SNCAIP: variants seen among roughly 807,000 people sequenced by gnomAD.
SNCAIP encodes the protein synphilin-1.
Under a neutral mutation model 86.7 loss-of-function variants are expected in SNCAIP, and 43 were observed. That is an observed-to-expected ratio of 0.50 (90% confidence interval 0.39 to 0.64). The LOEUF (loss-of-function observed/expected upper bound fraction) is 0.64, where lower values mean the gene tolerates loss of function less well. Among genes scored for constraint, SNCAIP ranks in the 30% least tolerant of loss-of-function variants. The pLI, the probability that SNCAIP is intolerant of heterozygous loss-of-function variation, is 0.00. For synonymous variants in SNCAIP, 417 were observed against 427.2 expected (o/e 0.98, Z 0.29); for missense variants, 981 against 1,103.1 (o/e 0.89, Z 1.57).
intron 7 of SNCAIP, among the ~76,000 whole-genome samples, chr5:122,442,281 A>G (rs1325614863): frequency 6.6e-6 from 1 of 152,130 alleles, no homozygotes; most frequent in African/African-American, 2.4e-5. Context: ...AGGAAGGTAG[A>G]GGAGACTTGG....
intron 5 of SNCAIP, among the ~76,000 whole-genome samples, chr5:122,427,199 T>TACAAA (rs1777543628): frequency 6.6e-6 from 1 of 152,186 alleles, no homozygotes; most frequent in African/African-American, 2.4e-5. Context: ...TAGGGCTTGT[T>TACAAA]TTGATAGATT....
chr5:122,330,838 A>G (rs1410172283), intron 1 of SNCAIP, among the ~76,000 whole-genome samples: 2 of 152,008 alleles, frequency 1.3e-5, no homozygotes, highest in East Asian at 1.9e-4. Flanking sequence ...ATATGATGAA[A>G]TAATTGTACA....
chr5:122,327,075 T>C (rs1237632445), intron 1 of SNCAIP, among the ~76,000 whole-genome samples: 3 of 151,988 alleles, frequency 2.0e-5, no homozygotes, highest in African/African-American at 7.2e-5. Flanking sequence ...TCCAGACCTC[T>C]ACTTCTGTTT....
chr5:122,389,868 G>A (rs939102701), intron 1 of SNCAIP: 2 of 152,018 alleles, frequency 1.3e-5, no homozygotes, highest in Admixed American at 1.3e-4. Context: ...TGATGGGTTT[G>A]AGGTAAGGAA....
At chr5:122,376,879 T>C (rs1218046411) in intron 1 of SNCAIP, among the ~76,000 whole-genome samples, 1 of 152,160 alleles carries the variant, frequency 6.6e-6, no homozygotes, top group Non-Finnish European at 1.5e-5. Flanking sequence ...GTCAATGCCA[T>C]CTCAGACTAC....
At chr5:122,351,239 A>T (rs1313852423) in intron 1 of SNCAIP, among the ~76,000 whole-genome samples, 1 of 152,050 alleles carries the variant, frequency 6.6e-6, no homozygotes, top group East Asian at 1.9e-4. Context: ...GCAGAAGAAA[A>T]TTTAAAATGT....
At chr5:122,384,708 T>C (rs1328777575) in intron 1 of SNCAIP, among the ~76,000 whole-genome samples, 1 of 152,228 alleles carries the variant, frequency 6.6e-6, no homozygotes, top group African/African-American at 2.4e-5. Flanking sequence ...CAGGCTCTCC[T>C]CTAGGAGCTG....
rs1212303157 is a variant in SNCAIP at position 122,330,117 on chromosome 5, C to CTTTTTTTTTTTTTTTTTTT, written c.-47+17837_-47+17855dup. On this transcript the variant is annotated intron_variant, in intron 1 of 10. Coordinates refer to ENST00000261368, the MANE Select transcript of SNCAIP (RefSeq NM_005460.4). ...CTTACCTCCGTGTACAACTTCATTT[C>CTTTTTTTTTTTTTTTTTTT]TTTTTTTTTTTTTTTTTTTTTTGAG... Among the ~76,000 whole-genome samples the CTTTTTTTTTTTTTTTTTTT allele has an allele frequency of 3.7e-3, 363 of 96,824 alleles. 44 individuals are homozygous for CTTTTTTTTTTTTTTTTTTT. Among genetic ancestry groups the CTTTTTTTTTTTTTTTTTTT allele is most frequent in the South Asian group, 7.4e-3 (19 of 2,578 alleles). 63.5% of individuals were successfully genotyped at this position (96,824 alleles called of 152,430 possible).
chr5:122,454,135 C>T (rs1225342667), intron 10 of SNCAIP, among the ~76,000 whole-genome samples: 1 of 152,156 alleles, frequency 6.6e-6, no homozygotes, highest in Non-Finnish European at 1.5e-5. Flanking sequence ...TTCCAAAATC[C>T]TCCAAAGCAT....
intron 1 of SNCAIP, among the ~76,000 whole-genome samples, chr5:122,347,537 T>C (rs757304230): frequency 2.6e-5 from 4 of 152,072 alleles, no homozygotes; most frequent in African/African-American, 7.2e-5. Flanking sequence ...AGCATAGCCA[T>C]GTAACAATGG....
chr5:122,416,971 A>T (rs188284613), intron 3 of SNCAIP, among the ~76,000 whole-genome samples: 28 of 152,212 alleles, frequency 1.8e-4, no homozygotes, highest in African/African-American at 6.8e-4. Flanking sequence ...GGAAAATAAA[A>T]TCCATTTAAC....
intron 1 of SNCAIP, among the ~76,000 whole-genome samples, chr5:122,358,307 T>C (rs1223983821): frequency 2.7e-5 from 4 of 150,172 alleles, no homozygotes; most frequent in East Asian, 2.0e-4. Context: ...CTGCACCCAT[T>C]AACTCGTCAT....
intron 10 of SNCAIP, 47 bp from the exon 11 acceptor site, chr5:122,463,444 G>A: frequency 9.1e-7 from 1 of 1,101,692 alleles, no homozygotes; most frequent in Admixed American, 1.7e-5. Context: ...CTTGTAACTT[G>A]ACCATAGTTT....
At chr5:122,335,065 G>A (rs1756158232) in intron 1 of SNCAIP, among the ~76,000 whole-genome samples, 1 of 152,122 alleles carries the variant, frequency 6.6e-6, no homozygotes. Flanking sequence ...TGGGAGGAAG[G>A]CTTATAGGCA....
chr5:122,366,815 A>C (rs937185483), intron 1 of SNCAIP, among the ~76,000 whole-genome samples: 2 of 152,148 alleles, frequency 1.3e-5, no homozygotes, highest in South Asian at 4.1e-4. Flanking sequence ...AAGGTTTTCA[A>C]CAGGGAAGTG....
At chr5:122,439,934 T>C (rs1289149855) in intron 6 of SNCAIP, among the ~76,000 whole-genome samples, 1 of 152,210 alleles carries the variant, frequency 6.6e-6, no homozygotes, top group African/African-American at 2.4e-5. Context: ...GACTGCTCTA[T>C]GTCTTTGCTT....
chr5:122,342,825 G>A (rs6877696), intron 1 of SNCAIP, among the ~76,000 whole-genome samples: 1,723 of 152,238 alleles, frequency 0.011, 35 homozygotes, highest in African/African-American at 0.039. Context: ...CGTTTTCATG[G>A]TGACAGTGGG....
intron 1 of SNCAIP, among the ~76,000 whole-genome samples, chr5:122,366,802 T>C (rs1319197860): frequency 6.6e-6 from 1 of 152,120 alleles, no homozygotes; most frequent in Non-Finnish European, 1.5e-5. Flanking sequence ...GGGAAAATTC[T>C]GAAAGGTTTT....
intron 1 of SNCAIP, among the ~76,000 whole-genome samples, chr5:122,367,439 G>T (rs185365530): frequency 6.6e-6 from 1 of 152,174 alleles, no homozygotes; most frequent in Non-Finnish European, 1.5e-5. Flanking sequence ...TGGATAAGAC[G>T]AGAGAAAAGA....
Sources: allele counts gnomAD v4.1 joint callset (sites outside exome capture counted in the v4.1 genomes callset), GRCh38; gene constraint gnomAD v4.1.1; transcripts MANE v1.5; gene names NCBI Gene and HGNC (gene_info 2026-07-23, HGNC 2026-07-21).